The following GHR variants were observed in gnomAD, a reference collection of about 807,000 sequenced individuals.
GHR encodes the protein growth hormone receptor.
Under a neutral mutation model 67.1 loss-of-function variants are expected in GHR, and 35 were observed. The ratio of observed to expected loss-of-function variants is 0.52; its 90% CI spans 0.40 to 0.69. GHR has a LOEUF of 0.69. GHR is among the 30% of genes least tolerant of loss of function. GHR has a pLI of 0.00. For missense variants in GHR, 792 were observed against 764.6 expected, an observed-to-expected ratio of 1.04 and a Z score of -0.42; for synonymous variants, 272 against 269.1, an observed-to-expected ratio of 1.01 and a Z score of -0.10.
At position 42,720,701 on chromosome 5, in the gene GHR, C is replaced by T. The variant is rs942637339; in HGVS notation, c.*1277C>T. On this transcript the variant is annotated 3_prime_UTR_variant, in exon 10 of 10. Transcript: ENST00000230882. ...ACAGAAGAAACAAGGTTTTCAGTCC[C>T]CACAGATAACTGAAAATTATTTAAA... 6.6e-6 allele frequency: 1 copy of T among 152,126 alleles called. No individual in the cohort carries two copies. The highest frequency in any genetic ancestry group is 2.4e-5 in the African/African-American group (1 of 41,428). 9.4% of individuals were successfully genotyped at this position (152,126 alleles called of 1,614,324 possible).
chr5:42,712,969 T>G (rs1758536764), intron 7 of GHR, among the ~76,000 whole-genome samples: 1 of 151,890 alleles, frequency 6.6e-6, no homozygotes, highest in African/African-American at 2.4e-5. Context: ...CAATAAAAAC[T>G]CTGCCTTCAT....
At chr5:42,488,453 T>C (rs182331602) in intron 1 of GHR, among the ~76,000 whole-genome samples, 13 of 152,340 alleles carry the variant, frequency 8.5e-5, no homozygotes, top group African/African-American at 3.1e-4. Flanking sequence ...TTATTTGCTC[T>C]CTGAAATACA....
intron 2 of GHR, among the ~76,000 whole-genome samples, chr5:42,626,215 A>G (rs1753694623): frequency 6.6e-6 from 1 of 152,178 alleles, no homozygotes. Flanking sequence ...TGGAAATAGC[A>G]TCAGATAACC....
intron 1 of GHR, among the ~76,000 whole-genome samples, chr5:42,554,354 A>T (rs1561118121): frequency 6.6e-6 from 1 of 152,022 alleles, no homozygotes; most frequent in Non-Finnish European, 1.5e-5. Context: ...AAAAAAAAAA[A>T]TTTGATGCTT....
intron 1 of GHR, among the ~76,000 whole-genome samples, chr5:42,544,651 TTGAC>T (rs1282252740): frequency 6.6e-6 from 1 of 152,176 alleles, no homozygotes; most frequent in African/African-American, 2.4e-5. Flanking sequence ...CACCCTTGTT[TTGAC>T]TGTCACTCAC....
intron 4 of GHR, among the ~76,000 whole-genome samples, chr5:42,694,289 A>G (rs541526943): frequency 1.3e-5 from 2 of 152,352 alleles, no homozygotes; most frequent in East Asian, 1.9e-4. Context: ...TGTTTTAGAC[A>G]TAACCAATTC....
intron 3 of GHR, among the ~76,000 whole-genome samples, chr5:42,641,787 A>G (rs10041932): frequency 0.15 from 23,428 of 152,144 alleles, 1,973 homozygotes; most frequent in Non-Finnish European, 0.16. Context: ...ATAAGCTTGT[A>G]GAGTATAGTC....
At chr5:42,460,529 T>C (rs1744443913) in intron 1 of GHR, among the ~76,000 whole-genome samples, 1 of 152,200 alleles carries the variant, frequency 6.6e-6, no homozygotes, top group Non-Finnish European at 1.5e-5. Context: ...CCAGGAAGTT[T>C]GGAATGGATC....
intron 3 of GHR, among the ~76,000 whole-genome samples, chr5:42,670,646 A>G (rs921558976): frequency 6.6e-6 from 1 of 151,940 alleles, no homozygotes; most frequent in African/African-American, 2.4e-5. Flanking sequence ...ATATTCCAAA[A>G]GGTACAAGGA....
At chr5:42,560,512 T>G (rs1749547850) in intron 1 of GHR, among the ~76,000 whole-genome samples, 1 of 152,144 alleles carries the variant, frequency 6.6e-6, no homozygotes, top group African/African-American at 2.4e-5. Flanking sequence ...TAATATAATT[T>G]TTGATAAAGG....
At chr5:42,583,220 G>T (rs906676689) in intron 2 of GHR, among the ~76,000 whole-genome samples, 7 of 152,194 alleles carry the variant, frequency 4.6e-5, no homozygotes, top group Non-Finnish European at 1.0e-4. Context: ...TGAGTCTGAA[G>T]ATTAACCAGT....
At chr5:42,522,936 A>G (rs898363317) in intron 1 of GHR, among the ~76,000 whole-genome samples, 1 of 152,210 alleles carries the variant, frequency 6.6e-6, no homozygotes, top group South Asian at 2.1e-4. Flanking sequence ...GGAGACAAAA[A>G]TGATGTCTTG....
At position 42,534,246 on chromosome 5, in the gene GHR, GTATATATGTACATGTGTATATGTGTATA is replaced by G. The variant is rs1561102616; in HGVS notation, c.-11-31614_-11-31587del. Among the ~76,000 whole-genome samples the G allele has an allele frequency of 4.3e-4, 59 of 137,156 alleles. 8 individuals carry two copies. Among genetic ancestry groups the G allele is most frequent in the African/African-American group, 1.3e-3 (44 of 34,070 alleles). 90.0% of individuals were successfully genotyped at this position (137,156 alleles called of 152,430 possible). ...TGTACATGTGTATATGTGTATATAT[GTATATATGTACATGTGTATATGTGTATA>G]TATGTATATATGTACATGTGTATAT... On this transcript the variant is annotated intron_variant, in intron 1 of 9. Coordinates refer to ENST00000230882, the MANE Select transcript of GHR (RefSeq NM_000163.5).
intron 1 of GHR, among the ~76,000 whole-genome samples, chr5:42,445,862 A>G (rs1743786260): frequency 6.6e-6 from 1 of 152,210 alleles, no homozygotes; most frequent in African/African-American, 2.4e-5. Context: ...TTCTTTACAT[A>G]TTGAAGTGCC....
chr5:42,718,793 A>T lies in GHR; in HGVS notation c.1286A>T (p.Lys429Met). 12 of 1,614,200 alleles carry T rather than the reference A, an allele frequency of 7.4e-6. No individual in the cohort carries two copies. Among genetic ancestry groups the T allele is most frequent in the Non-Finnish European group, 1.0e-5 (12 of 1,180,032 alleles). The change falls in exon 10 of 10, where the codon AAG becomes ATG. Residue 429 changes from lysine (K) to methionine (M), a missense_variant. Physicochemically the swap from Lys to Met is moderately conservative, Grantham distance 95. Coordinates refer to ENST00000230882, the MANE Select transcript of GHR (RefSeq NM_000163.5). ...GEADLLCLDQ[K>M]NQNNSPYHDA... ...GCAGATCTCTTATGCCTTGACCAGA[A>T]GAATCAAAATAACTCACCTTATCAT...
Position 42,707,402 on chromosome 5 carries a change from G to T in GHR, c.619-3805G>T, listed in dbSNP as rs190550875. On this transcript the variant is annotated intron_variant, in intron 6 of 9. Transcript: ENST00000230882. ...TAGACAGGTAATGTGATGCCCCTGG[G>T]TTTATTCATTTTAGTTAGGATTGCT... 1.9e-3 allele frequency among the ~76,000 whole-genome samples: 290 copies of T among 151,748 alleles called. 7 individuals are homozygous for T. The highest frequency in any genetic ancestry group is 0.016 in the Admixed American group (250 of 15,256).
chr5:42,600,871 A>G (rs1752338083), intron 2 of GHR, among the ~76,000 whole-genome samples: 2 of 151,476 alleles, frequency 1.3e-5, no homozygotes, highest in Admixed American at 1.3e-4. Context: ...TAGATTGTCA[A>G]ACTGTTACCG....
intron 1 of GHR, among the ~76,000 whole-genome samples, chr5:42,525,299 A>T (rs140302966): frequency 6.6e-6 from 1 of 152,356 alleles, no homozygotes; most frequent in African/African-American, 2.4e-5. Context: ...TGGATGTGAG[A>T]CATGGAGTCA....
chr5:42,580,706 C>T (rs974561194), intron 2 of GHR, among the ~76,000 whole-genome samples: 1 of 152,148 alleles, frequency 6.6e-6, no homozygotes, highest in African/African-American at 2.4e-5. Flanking sequence ...CACACAACCT[C>T]CTTCTCTAGT....
Sources: allele counts gnomAD v4.1 joint callset (sites outside exome capture counted in the v4.1 genomes callset), GRCh38; gene constraint gnomAD v4.1.1; transcripts MANE v1.5; gene names NCBI Gene and HGNC (gene_info 2026-07-23, HGNC 2026-07-21).